DPP9: variants seen among roughly 807,000 people sequenced by gnomAD.
DPP9 encodes the protein dipeptidyl peptidase IV-related protein-2.
In DPP9, 50 loss-of-function variants were observed where a neutral mutation model predicts 110.7. That is an observed-to-expected ratio of 0.45 (90% CI 0.36 to 0.57). DPP9 has a LOEUF of 0.57. Ranked by LOEUF, DPP9 falls within the 20% of genes least tolerant of loss-of-function variation. The pLI is 0.00. For missense variants in DPP9, 1,022 were observed against 1,217.9 expected (o/e 0.84, Z 2.39); for synonymous variants, 561 against 514.4 (o/e 1.09, Z -1.23).
rs778357882 is a variant in DPP9 at position 4,685,419 on chromosome 19, G to A, written c.2031+207C>T. The A allele has an allele frequency of 5.8e-5, 39 of 677,292 alleles. No homozygotes were observed. Among genetic ancestry groups the A allele is most frequent in the Non-Finnish European group, 7.8e-5 (29 of 372,284 alleles). 42.0% of individuals were successfully genotyped at this position (677,292 alleles called of 1,614,324 possible). A position where few individuals can be genotyped will look rare whatever the true frequency, so the allele number is the denominator to read the frequency against. ...GAAGGGGAGGCCATCCAGGAAGGGCGGGGAGCGTGCAAACGGGCACAGAGA... is the reference window on the plus strand; with the variant it reads ...GAAGGGGAGGCCATCCAGGAAGGGCAGGGAGCGTGCAAACGGGCACAGAGA... On this transcript the variant is annotated intron_variant, in intron 17 of 21. Coordinates refer to ENST00000262960, the MANE Select transcript of DPP9 (RefSeq NM_139159.5). This position sits in a 1 kb window ranked among gnomAD's most constrained non-coding sequence, Gnocchi z 5.8.
intron 4 of DPP9, among the ~76,000 whole-genome samples, chr19:4,707,864 G>C (rs1440925655): frequency 1.3e-5 from 2 of 151,812 alleles, no homozygotes; most frequent in Admixed American, 1.3e-4. Flanking sequence ...GACCTCAGGT[G>C]ATCTGCCCAC....
intron 20 of DPP9, among the ~76,000 whole-genome samples, chr19:4,681,508 G>C (rs888448427): frequency 2.0e-5 from 3 of 151,436 alleles, no homozygotes; most frequent in African/African-American, 7.3e-5. Flanking sequence ...GTAGACATGG[G>C]GTTTCACCGT....
chr19:4,690,798 C>G, intron 14 of DPP9, 80 bp downstream of exon 14: 1 of 1,055,292 alleles, frequency 9.5e-7, no homozygotes, highest in Non-Finnish European at 1.4e-6. Context: ...TGTGTGTATG[C>G]GCGTGCGTGT....
At chr19:4,716,510 G>A (rs1046286923) in intron 3 of DPP9, among the ~76,000 whole-genome samples, 3 of 152,038 alleles carry the variant, frequency 2.0e-5, no homozygotes, top group Non-Finnish European at 2.9e-5. Context: ...GGTAGCGGGC[G>A]CCTGTAGTCC....
chr19:4,683,911 CA>C (rs1194716174), intron 18 of DPP9: 90 of 1,189,952 alleles, frequency 7.6e-5, no homozygotes, highest in Admixed American at 3.2e-4. Context: ...GGGACATTAA[CA>C]GGAAGAGGAC....
At chr19:4,680,788 C>G (rs986596258) in intron 20 of DPP9, among the ~76,000 whole-genome samples, 3 of 152,142 alleles carry the variant, frequency 2.0e-5, no homozygotes, top group Non-Finnish European at 4.4e-5. Context: ...GAAACCCCAT[C>G]TCTATTAAAG....
At chr19:4,688,423 T>C (rs2090997394) in intron 16 of DPP9, 1 of 287,286 alleles carries the variant, frequency 3.5e-6, no homozygotes, top group South Asian at 1.6e-4. Flanking sequence ...AAATGTTTAC[T>C]TGTCACCTGC....
At position 4,689,659 on chromosome 19, in the gene DPP9, G is replaced by A; in HGVS notation, c.1660C>T (p.His554Tyr). 6.4e-7 allele frequency: 1 copy of A among 1,564,184 alleles called. No homozygotes were observed. The highest frequency in any genetic ancestry group is 8.7e-7 in the Non-Finnish European group (1 of 1,154,232). The change falls in exon 15 of 22, where the codon CAC becomes TAC. Residue 554 changes from histidine to tyrosine, a missense_variant. Coordinates refer to ENST00000262960, the MANE Select transcript of DPP9 (RefSeq NM_139159.5). This position sits in a 1 kb window ranked among gnomAD's most constrained non-coding sequence, Gnocchi z 7.0. ...FQGTKDTPLE[H>Y]HLYVVSYEAA... ...TCATAGCTGACCACGTAGAGGTGGT[G>A]CTCCAGCGGCGTGTCCTTGGTGCCC...
rs2091525329 is a variant in DPP9 at position 4,693,632 on chromosome 19, C to T, written c.1516+1029G>A. 6.6e-6 allele frequency among the ~76,000 whole-genome samples: 1 copy of T among 152,152 alleles called. No individual in the cohort carries two copies. The highest frequency in any genetic ancestry group is 1.5e-5 in the Non-Finnish European group (1 of 68,012). On this transcript the variant is annotated intron_variant, in intron 13 of 21. Transcript: ENST00000262960. The surrounding 1 kb of genome is among the most constrained non-coding windows in gnomAD (Gnocchi z 5.0). Reference sequence around the variant, plus strand: ...TCCAGAATCAGACCCACCAGGACAGCTCAGCCACTGCCATGACAGCAAGCC... The same window carrying T: ...TCCAGAATCAGACCCACCAGGACAGTTCAGCCACTGCCATGACAGCAAGCC...
chr19:4,682,622 C>T lies in DPP9; in HGVS notation c.2474+74G>A. 1.9e-6 allele frequency: 3 copies of T among 1,562,786 alleles called. No homozygotes were observed. The highest frequency in any genetic ancestry group is 2.6e-6 in the Non-Finnish European group (3 of 1,155,588). On this transcript the variant is annotated intron_variant, in intron 20 of 21. Transcript: ENST00000262960. This position sits in a 1 kb window ranked among gnomAD's most constrained non-coding sequence, Gnocchi z 7.1. The stretch of plus-strand genomic sequence containing the variant: ...AGGGCCAGCTGGGGCAGGAGGGCAC[C>T]CTCATAGAGACAGCTGGTGCCGGGG...
At chr19:4,688,527 C>T in intron 16 of DPP9, 2 of 473,184 alleles carry the variant, frequency 4.2e-6, no homozygotes, top group Admixed American at 8.8e-5. Flanking sequence ...CTGCCGGGTT[C>T]TGTGCAGTCC....
intron 3 of DPP9, chr19:4,717,577 C>T (rs981958180): frequency 2.0e-5 from 3 of 152,224 alleles, no homozygotes; most frequent in Non-Finnish European, 2.9e-5. Flanking sequence ...ACCCGCGTGG[C>T]TTGTTTTCAT....
chr19:4,691,739 G>A (rs1333035637), intron 13 of DPP9, among the ~76,000 whole-genome samples: 5 of 148,978 alleles, frequency 3.4e-5, no homozygotes, highest in Non-Finnish European at 7.4e-5. Context: ...GTGCAATGGC[G>A]TGATTTTGGC....
chr19:4,683,854 G>T, intron 18 of DPP9: 1 of 1,519,724 alleles, frequency 6.6e-7, no homozygotes. Flanking sequence ...AGTGGCTCTG[G>T]GAGCCACGTC....
chr19:4,689,638 A>G lies in DPP9; in HGVS notation c.1681T>C (p.Tyr561His). The part of the protein sequence containing the change: ...PLEHHLYVVS[Y>H]EAAGEIVRLT... ...CGTACGATCTCGCCGGCCGCCTCAT[A>G]GCTGACCACGTAGAGGTGGTGCTCC... is the stretch of plus-strand genomic sequence containing the variant. Residue 561 changes from tyrosine (Y) to histidine (H), a missense_variant, in exon 15 of 22, where the codon TAT becomes CAT. By Grantham distance (83) the Tyr-to-His change is moderately conservative. This residue lies in a region of DPP9 where 810 missense variants were observed against 920.6 expected (regional missense o/e 0.88). Coordinates refer to ENST00000262960, the MANE Select transcript of DPP9 (RefSeq NM_139159.5). This position sits in a 1 kb window ranked among gnomAD's most constrained non-coding sequence, Gnocchi z 7.0. The G allele has an allele frequency of 6.4e-7, 1 of 1,569,634 alleles. No individual in the cohort carries two copies. Among genetic ancestry groups the G allele is most frequent in the Non-Finnish European group, 8.6e-7 (1 of 1,157,382 alleles).
At chr19:4,719,719 G>T in intron 3 of DPP9, 132 bp downstream of exon 3, 6 of 1,072,958 alleles carry the variant, frequency 5.6e-6, no homozygotes, top group South Asian at 4.3e-5. Flanking sequence ...GAAATAACCA[G>T]AACAGTCTTG....
intron 19 of DPP9, 125 bp downstream of exon 19, chr19:4,683,352 G>A: frequency 6.7e-7 from 1 of 1,496,410 alleles, no homozygotes; most frequent in South Asian, 1.3e-5. Flanking sequence ...CACGTGGCAA[G>A]GCCCCTGCCG....
At position 4,714,293 on chromosome 19, in the gene DPP9, C is replaced by A. The variant is rs748525527; in HGVS notation, c.101G>T (p.Gly34Val). 4.5e-6 allele frequency: 7 copies of A among 1,541,144 alleles called. No individual in the cohort carries two copies. Among genetic ancestry groups the A allele is most frequent in the Non-Finnish European group, 6.1e-6 (7 of 1,146,814 alleles). The change falls in exon 4 of 22, where the codon GGG becomes GTG. Residue 34 changes from glycine to valine, a missense_variant. Gly to Val is a moderately radical substitution (Grantham distance 109). Coordinates refer to ENST00000262960, the MANE Select transcript of DPP9 (RefSeq NM_139159.5). ...SEGAERMATT[G>V]TPTADRGDAA... ...GTCGCCTCGGTCGGCCGTTGGGGTC[C>A]CGGTGGTGGCCATCCTCTCAGCCCC...
At chr19:4,678,060 C>T (rs1054178808) in intron 21 of DPP9, among the ~76,000 whole-genome samples, 2 of 152,180 alleles carry the variant, frequency 1.3e-5, no homozygotes, top group Admixed American at 1.3e-4. Flanking sequence ...GGCAGTGAGA[C>T]AGGACCCTGG....
Sources: gnomAD v4.1 joint callset for allele counts (sites outside exome capture counted in the v4.1 genomes callset) on GRCh38, gnomAD v4.1.1 for gene constraint, gnomAD v4.1.1 regional missense constraint, Gnocchi (gnomAD v3.1) non-coding constraint, MANE v1.5 for transcripts, NCBI Gene and HGNC (gene_info 2026-07-23, HGNC 2026-07-21) for gene names.